ASCC3: variants seen among roughly 807,000 people sequenced by gnomAD.
ASCC3 encodes the protein ASC-1 complex subunit P200.
In ASCC3, 158 loss-of-function variants were observed where a neutral mutation model predicts 256.3. That is an observed-to-expected ratio of 0.62 (90% confidence interval 0.54 to 0.70). ASCC3 has a LOEUF of 0.70. ASCC3 is among the 30% of genes least tolerant of loss of function. The pLI, the probability that ASCC3 is intolerant of heterozygous loss-of-function variation, is 0.00. For synonymous variants in ASCC3, 948 were observed against 883.4 expected, an observed-to-expected ratio of 1.07 and a Z score of -1.30; for missense variants, 2,259 against 2,626.0, an observed-to-expected ratio of 0.86 and a Z score of 3.05.
At chr6:100,773,082 G>A (rs895071903) in intron 8 of ASCC3, among the ~76,000 whole-genome samples, 7 of 152,108 alleles carry the variant, frequency 4.6e-5, no homozygotes, top group Non-Finnish European at 8.8e-5. Context: ...ACTGAAACTT[G>A]AGAAAGCTTG....
intron 36 of ASCC3, among the ~76,000 whole-genome samples, chr6:100,558,861 A>G (rs899835065): frequency 6.6e-6 from 1 of 152,090 alleles, no homozygotes; most frequent in African/African-American, 2.4e-5. Context: ...TCTTCCTGAC[A>G]CTTATGAATC....
chr6:100,570,256 A>G (rs1031345173), intron 36 of ASCC3, among the ~76,000 whole-genome samples: 1 of 152,026 alleles, frequency 6.6e-6, no homozygotes, highest in African/African-American at 2.4e-5. Context: ...TTCTTTTCCT[A>G]TTTGGATGTC....
chr6:100,840,820 G>T (rs1282071133), intron 4 of ASCC3, among the ~76,000 whole-genome samples: 1 of 151,696 alleles, frequency 6.6e-6, no homozygotes, highest in African/African-American at 2.4e-5. Context: ...TATAGTTCCT[G>T]CATTCTGCTT....
At chr6:100,752,011 A>G (rs1036468615) in intron 10 of ASCC3, among the ~76,000 whole-genome samples, 1 of 152,100 alleles carries the variant, frequency 6.6e-6, no homozygotes, top group Admixed American at 6.6e-5. Flanking sequence ...TTCTTTCATT[A>G]TATTACTGAT....
intron 13 of ASCC3, among the ~76,000 whole-genome samples, chr6:100,694,598 T>C (rs888668215): frequency 1.1e-4 from 17 of 152,166 alleles, no homozygotes; most frequent in African/African-American, 4.1e-4. Flanking sequence ...GTCTGAGAAG[T>C]GGAAAGTACA....
chr6:100,704,223 A>G lies in ASCC3; in HGVS notation c.2151+11239T>C, dbSNP rs531151593. ...AGTAGTACTATCTTTAGTGGTAAAGATGAAGGAGAAATATCTTTAATTCTT... is the reference window on the plus strand; with the variant it reads ...AGTAGTACTATCTTTAGTGGTAAAGGTGAAGGAGAAATATCTTTAATTCTT... On this transcript the variant is annotated intron_variant, in intron 13 of 41. Transcript: ENST00000369162. Among the ~76,000 whole-genome samples the G allele has an allele frequency of 1.1e-3, 171 of 152,130 alleles. 1 individual carries two copies. The highest frequency in any genetic ancestry group is 3.4e-3 in the Middle Eastern group (1 of 294).
intron 1 of ASCC3, among the ~76,000 whole-genome samples, chr6:100,879,850 A>G (rs989708003): frequency 3.3e-5 from 5 of 152,198 alleles, no homozygotes; most frequent in African/African-American, 1.2e-4. Context: ...TTTCAATGCC[A>G]ATTACATATA....
chr6:100,594,937 G>T (rs1283482431), intron 34 of ASCC3, among the ~76,000 whole-genome samples: 1 of 152,086 alleles, frequency 6.6e-6, no homozygotes, highest in Non-Finnish European at 1.5e-5. Context: ...TTGAAATAAG[G>T]TAGGTAGTAT....
intron 36 of ASCC3, among the ~76,000 whole-genome samples, chr6:100,569,260 G>T (rs186211055): frequency 1.9e-4 from 29 of 152,140 alleles, no homozygotes; most frequent in African/African-American, 6.5e-4. Context: ...TGACTTTCTT[G>T]AAGATTGGGT....
intron 24 of ASCC3, among the ~76,000 whole-genome samples, chr6:100,640,535 C>T (rs372981103): frequency 1.2e-3 from 181 of 152,192 alleles, no homozygotes; most frequent in African/African-American, 4.0e-3. Flanking sequence ...AGAATGTTAA[C>T]GCAAGTTAAG....
intron 36 of ASCC3, among the ~76,000 whole-genome samples, chr6:100,583,423 C>T (rs530511071): frequency 1.3e-3 from 194 of 152,176 alleles, no homozygotes; most frequent in African/African-American, 4.5e-3. Context: ...TCTGTGGGAT[C>T]GGTGGTGATA....
At position 100,512,722 on chromosome 6, in the gene ASCC3, A is replaced by G; in HGVS notation, c.6272T>C (p.Phe2091Ser). The G allele has an allele frequency of 2.5e-6, 4 of 1,614,094 alleles. No individual in the cohort carries two copies. The highest frequency in any genetic ancestry group is 3.4e-6 in the Non-Finnish European group (4 of 1,179,968). The change falls in exon 40 of 42, where the codon TTT becomes TCT. Residue 2091 changes from phenylalanine to serine, a missense_variant. Phe to Ser is a radical substitution (Grantham distance 155). Coordinates refer to ENST00000369162, the MANE Select transcript of ASCC3 (RefSeq NM_006828.4). ...CAAACACTATACCTTGTGGAACCCAAAGTGGACTCTCTGCAAGCTCACTTG... is the reference window on the plus strand; with the variant it reads ...CAAACACTATACCTTGTGGAACCCAGAGTGGACTCTCTGCAAGCTCACTTG... ...VLQVSLQRVH[F>S]GFHKGKPESC...
intron 36 of ASCC3, 95 bp downstream of exon 36, chr6:100,589,539 T>C: frequency 2.0e-6 from 3 of 1,478,890 alleles, no homozygotes; most frequent in Non-Finnish European, 1.9e-6. Flanking sequence ...GAAAGGGCTT[T>C]ACAAATGGTT....
chr6:100,715,494 T>C lies in ASCC3; in HGVS notation c.2119A>G (p.Asn707Asp). The C allele has an allele frequency of 6.2e-7, 1 of 1,611,480 alleles. No individual in the cohort carries two copies. Among genetic ancestry groups the C allele is most frequent in the Non-Finnish European group, 8.5e-7 (1 of 1,178,288 alleles). Residue 707 changes from asparagine (N) to aspartate (D), a missense_variant, in exon 13 of 42, where the codon AAT becomes GAT. Coordinates refer to ENST00000369162, the MANE Select transcript of ASCC3 (RefSeq NM_006828.4). ...LNNMDEVCYE[N>D]VLKQVKAGHQ... ...CCAGCCTTTACTTGCTTCAAAACAT[T>C]TTCATAACATACTTCATCCATGTTA...
Position 100,727,734 on chromosome 6 carries a change from G to C in ASCC3, c.1738-2031C>G, listed in dbSNP as rs1226211992. ...ATTTTTACTCTACAAATAGTTATTA[G>C]AGACAAAGATTAAAAATGACTAATG... On this transcript the variant is annotated intron_variant, in intron 10 of 41. Coordinates refer to ENST00000369162, the MANE Select transcript of ASCC3 (RefSeq NM_006828.4). Among the ~76,000 whole-genome samples, 3 of 152,060 alleles carry C rather than the reference G, an allele frequency of 2.0e-5. No homozygotes were observed. In the East Asian group the frequency reaches 5.8e-4, roughly 29 times the overall value.
chr6:100,706,945 A>C (rs1778614876), intron 13 of ASCC3, among the ~76,000 whole-genome samples: 1 of 151,650 alleles, frequency 6.6e-6, no homozygotes, highest in South Asian at 2.1e-4. Context: ...TTGGCTTAGT[A>C]CTTAAAATCT....
At chr6:100,570,375 T>C (rs1770523899) in intron 36 of ASCC3, among the ~76,000 whole-genome samples, 1 of 152,202 alleles carries the variant, frequency 6.6e-6, no homozygotes, top group South Asian at 2.1e-4. Flanking sequence ...TCAAGGGGAA[T>C]GATTCCAGTT....
At chr6:100,561,414 A>G (rs1423824059) in intron 36 of ASCC3, among the ~76,000 whole-genome samples, 1 of 152,202 alleles carries the variant, frequency 6.6e-6, no homozygotes, top group Non-Finnish European at 1.5e-5. Context: ...ATTAACAAAA[A>G]TATTTTAAAT....
At chr6:100,816,408 G>T (rs1379224481) in intron 4 of ASCC3, among the ~76,000 whole-genome samples, 2 of 152,028 alleles carry the variant, frequency 1.3e-5, no homozygotes, top group Non-Finnish European at 1.5e-5. Flanking sequence ...CTACTACTGG[G>T]TATATACCCA....
Sources: gnomAD v4.1 joint callset for allele counts (sites outside exome capture counted in the v4.1 genomes callset) on GRCh38, gnomAD v4.1.1 for gene constraint, MANE v1.5 for transcripts, NCBI Gene and HGNC (gene_info 2026-07-23, HGNC 2026-07-21) for gene names.